Variants in ESRRG observed in about 807,000 individuals in gnomAD.
ESRRG encodes estrogen related receptor gamma, also known as estrogen-related receptor gamma.
Under a neutral mutation model 44.0 loss-of-function variants are expected in ESRRG, and 13 were observed. That is an observed-to-expected ratio of 0.30 (90% CI 0.19 to 0.47). The LOEUF (loss-of-function observed/expected upper bound fraction) is 0.47, where lower values mean the gene tolerates loss of function less well. Among genes scored for constraint, ESRRG ranks in the 20% least tolerant of loss-of-function variants. The pLI, the probability that ESRRG is intolerant of heterozygous loss-of-function variation, is 1.00. For synonymous variants in ESRRG, 215 were observed against 214.6 expected, an observed-to-expected ratio of 1.00 and a Z score of -0.02; for missense variants, 395 against 580.6, an observed-to-expected ratio of 0.68 and a Z score of 3.29.
At chr1:216,593,614 T>C (rs868564061) in intron 3 of ESRRG, among the ~76,000 whole-genome samples, 1 of 152,216 alleles carries the variant, frequency 6.6e-6, no homozygotes, top group Admixed American at 6.5e-5. Flanking sequence ...TCTGTAAAGT[T>C]TGAATCATTG....
chr1:216,508,443 T>C (rs1181375319), intron 6 of ESRRG, among the ~76,000 whole-genome samples: 2 of 152,218 alleles, frequency 1.3e-5, no homozygotes, highest in Non-Finnish European at 2.9e-5. Context: ...TGCTTATAAG[T>C]ATTTACTGCT....
intron 1 of ESRRG, among the ~76,000 whole-genome samples, chr1:216,962,670 G>C (rs747919644): frequency 1.3e-5 from 2 of 151,956 alleles, no homozygotes; most frequent in African/African-American, 2.4e-5. Flanking sequence ...AAGCCAGCAC[G>C]CTACCAGAAT....
chr1:216,923,992 T>C (rs1341523379), intron 2 of ESRRG, among the ~76,000 whole-genome samples: 3 of 152,186 alleles, frequency 2.0e-5, no homozygotes, highest in Non-Finnish European at 4.4e-5. Flanking sequence ...CGAAGAAGAT[T>C]ATTTAGCTTT....
At chr1:216,936,383 C>T (rs2064151038) in intron 2 of ESRRG, among the ~76,000 whole-genome samples, 1 of 152,002 alleles carries the variant, frequency 6.6e-6, no homozygotes, top group Non-Finnish European at 1.5e-5. Flanking sequence ...ATCTAATTCA[C>T]AAGCATATTA....
intron 5 of ESRRG, among the ~76,000 whole-genome samples, chr1:216,524,230 C>CATAT (rs200660943): frequency 1.5e-5 from 2 of 134,618 alleles, no homozygotes; most frequent in African/African-American, 5.7e-5. Context: ...TATATATATA[C>CATAT]ATATATATAT....
chr1:216,897,539 A>G (rs1221632239), intron 2 of ESRRG, among the ~76,000 whole-genome samples: 1 of 152,222 alleles, frequency 6.6e-6, no homozygotes, highest in Non-Finnish European at 1.5e-5. Flanking sequence ...ACCCATTTAT[A>G]TAGGCTTTCC....
intron 2 of ESRRG, among the ~76,000 whole-genome samples, chr1:216,795,252 T>C (rs974012973): frequency 1.3e-5 from 2 of 152,170 alleles, no homozygotes; most frequent in East Asian, 3.9e-4. Context: ...TTCTTTAATG[T>C]ATATCTATTT....
intron 2 of ESRRG, among the ~76,000 whole-genome samples, chr1:216,884,776 T>G (rs1297896420): frequency 6.6e-6 from 1 of 152,164 alleles, no homozygotes; most frequent in Non-Finnish European, 1.5e-5. Context: ...TGCAGTGAGG[T>G]TTACAGCTGC....
intron 2 of ESRRG, among the ~76,000 whole-genome samples, chr1:216,858,405 A>G (rs900131857): frequency 6.6e-6 from 1 of 152,010 alleles, no homozygotes; most frequent in South Asian, 2.1e-4. Flanking sequence ...CCATTGCACT[A>G]CAGCCTGGGC....
At chr1:216,833,328 A>G (rs1292207894) in intron 2 of ESRRG, among the ~76,000 whole-genome samples, 2 of 152,220 alleles carry the variant, frequency 1.3e-5, no homozygotes, top group African/African-American at 4.8e-5. Flanking sequence ...GAGGAAATCA[A>G]TTTAGTCATA....
intron 2 of ESRRG, among the ~76,000 whole-genome samples, chr1:216,675,040 G>A (rs1397163736): frequency 2.0e-5 from 3 of 152,122 alleles, no homozygotes; most frequent in Admixed American, 1.3e-4. Flanking sequence ...AACTGATGAA[G>A]AAGAGTTGAA....
At chr1:216,623,668 A>C (rs2062684580) in intron 3 of ESRRG, among the ~76,000 whole-genome samples, 1 of 152,172 alleles carries the variant, frequency 6.6e-6, no homozygotes, top group Non-Finnish European at 1.5e-5. Context: ...GTAGCACTGA[A>C]AACTTACCCA....
intron 1 of ESRRG, among the ~76,000 whole-genome samples, chr1:217,081,125 A>G (rs17689429): frequency 0.15 from 22,758 of 150,472 alleles, 2,185 homozygotes; most frequent in Admixed American, 0.22. Context: ...TTAAATAATT[A>G]TTGATCTACT....
rs549567752 is a variant in ESRRG, at chr1:216,543,063, CA to C, written c.862+21155del. 4.6e-5 allele frequency among the ~76,000 whole-genome samples: 7 copies of C among 152,116 alleles called. No homozygotes were observed. In the South Asian group the frequency reaches 1.5e-3, roughly 32 times the overall value. Reference sequence around the variant, plus strand: ...CAAAATAGCCATAGCACCCTATTGACAAACACTGTGAATTAAGTGCACTGTA... The same window carrying C: ...CAAAATAGCCATAGCACCCTATTGACAACACTGTGAATTAAGTGCACTGTA... On this transcript the variant is annotated intron_variant, in intron 5 of 6. Coordinates refer to ENST00000408911, the MANE Select transcript of ESRRG (RefSeq NM_001438.4).
At chr1:216,579,751 A>G (rs1042463527) in intron 3 of ESRRG, among the ~76,000 whole-genome samples, 5 of 152,164 alleles carry the variant, frequency 3.3e-5, no homozygotes, top group Non-Finnish European at 5.9e-5. Flanking sequence ...TGTGCCAAGA[A>G]AAAAACAAAC....
At chr1:216,637,770 C>T (rs1159521403) in intron 3 of ESRRG, among the ~76,000 whole-genome samples, 1 of 151,830 alleles carries the variant, frequency 6.6e-6, no homozygotes, top group African/African-American at 2.4e-5. Flanking sequence ...AACATTATTC[C>T]TCATGTTTTT....
At chr1:216,974,084 G>C (rs939327799) in intron 1 of ESRRG, among the ~76,000 whole-genome samples, 1 of 152,122 alleles carries the variant, frequency 6.6e-6, no homozygotes, top group Non-Finnish European at 1.5e-5. Flanking sequence ...TATTATCATA[G>C]TAGAATCATT....
chr1:216,991,476 G>A (rs1329840927), intron 1 of ESRRG, among the ~76,000 whole-genome samples: 2 of 152,158 alleles, frequency 1.3e-5, no homozygotes, highest in Non-Finnish European at 2.9e-5. Context: ...TGGATGAACA[G>A]ACGAACAAGA....
chr1:216,700,553 G>A (rs1000911708), intron 1 of ESRRG, among the ~76,000 whole-genome samples: 7 of 151,914 alleles, frequency 4.6e-5, no homozygotes, highest in Non-Finnish European at 7.4e-5. Flanking sequence ...CTGGACTCTC[G>A]TACTACTGGT....
Sources: gnomAD v4.1 joint callset for allele counts (sites outside exome capture counted in the v4.1 genomes callset) on GRCh38, gnomAD v4.1.1 for gene constraint, MANE v1.5 for transcripts, NCBI Gene and HGNC (gene_info 2026-07-23, HGNC 2026-07-21) for gene names.